Variants in ATP8B4 observed in about 807,000 individuals in gnomAD.
ATP8B4 encodes the protein ATPase phospholipid transporting 8B4 (putative).
Under a neutral mutation model 145.6 loss-of-function variants are expected in ATP8B4, and 133 were observed. The observed-to-expected ratio is 0.91, with a 90% CI of 0.79 to 1.05. ATP8B4 has a LOEUF of 1.05. Ranked by LOEUF, ATP8B4 falls within the 50% of genes least tolerant of loss-of-function variation. The probability of loss-of-function intolerance (pLI) is 0.00; values close to 1 mark genes in which losing one functional copy is unlikely to be tolerated. For synonymous variants in ATP8B4, 507 were observed against 492.9 expected (o/e 1.03, Z -0.38); for missense variants, 1,458 against 1,425.2 (o/e 1.02, Z -0.37).
chr15:50,111,894 G>C (rs1436088223), intron 1 of ATP8B4, among the ~76,000 whole-genome samples: 1 of 152,156 alleles, frequency 6.6e-6, no homozygotes. Context: ...ATGGCTGGGC[G>C]GGGTGGCTCA....
chr15:49,991,760 T>A (rs943530893), intron 9 of ATP8B4, among the ~76,000 whole-genome samples: 17 of 152,302 alleles, frequency 1.1e-4, no homozygotes, highest in African/African-American at 4.1e-4. Context: ...AAGTCTTCTA[T>A]AAACTCTTAT....
intron 6 of ATP8B4, among the ~76,000 whole-genome samples, chr15:50,015,644 CACAA>C (rs537278502): frequency 2.6e-5 from 4 of 152,198 alleles, no homozygotes; most frequent in South Asian, 2.1e-4. Flanking sequence ...GATCCCCTGA[CACAA>C]ACACTCAGTG....
rs576330636 is a variant in ATP8B4, at chr15:49,979,873, A to G, written c.838-60T>C. On this transcript the variant is annotated intron_variant, in intron 11 of 27. Coordinates refer to ENST00000284509, the MANE Select transcript of ATP8B4 (RefSeq NM_024837.4). ...TGAACTCAAAATTAGTCATATCAAC[A>G]TGATCTAATTACGCATCTAACTCCA... 2.3e-5 allele frequency: 29 copies of G among 1,250,368 alleles called. No individual in the cohort carries two copies. In the Admixed American group the frequency reaches 2.7e-4, roughly 11 times the overall value. The allele number at this position is 1,250,368 out of a possible 1,614,324, so 77.5% of individuals were successfully genotyped here.
At chr15:50,015,811 T>G (rs1253833154) in intron 6 of ATP8B4, among the ~76,000 whole-genome samples, 5 of 152,234 alleles carry the variant, frequency 3.3e-5, no homozygotes, top group African/African-American at 4.8e-5. Context: ...CTTTGGAATC[T>G]ATTTATTTTA....
chr15:50,104,140 C>T (rs2056536715), intron 2 of ATP8B4, among the ~76,000 whole-genome samples: 1 of 152,072 alleles, frequency 6.6e-6, no homozygotes, highest in African/African-American at 2.4e-5. Flanking sequence ...TAGAAGATAA[C>T]ATGAGAAAAA....
chr15:50,149,719 T>G (rs1397239785), intron 1 of ATP8B4, among the ~76,000 whole-genome samples: 3 of 152,196 alleles, frequency 2.0e-5, no homozygotes, highest in Non-Finnish European at 4.4e-5. Context: ...AATAAGGCAT[T>G]GCAGTGGGAA....
chr15:50,025,044 TG>T lies in ATP8B4; in HGVS notation c.362+13723del, dbSNP rs1273615452. Among the ~76,000 whole-genome samples, 7 of 152,338 alleles carry T rather than the reference TG, an allele frequency of 4.6e-5. No individual in the cohort carries two copies. The East Asian group carries it at 1.4e-3, about 29-fold the overall frequency. ...AGGAGTCTAAAATATATTCTGCTTT[TG>T]CCCCAAGAGGCTTTATTTAATTCAC... On this transcript the variant is annotated intron_variant, in intron 6 of 27. Coordinates refer to ENST00000284509, the MANE Select transcript of ATP8B4 (RefSeq NM_024837.4).
chr15:49,911,628 A>G (rs2039238510), intron 20 of ATP8B4, among the ~76,000 whole-genome samples: 2 of 152,174 alleles, frequency 1.3e-5, no homozygotes, highest in African/African-American at 4.8e-5. Context: ...TAAATAAATC[A>G]TTTAGACAGA....
At chr15:49,906,410 C>CA (rs1352599808) in intron 20 of ATP8B4, among the ~76,000 whole-genome samples, 1 of 152,170 alleles carries the variant, frequency 6.6e-6, no homozygotes, top group Non-Finnish European at 1.5e-5. Context: ...ATTCTTTCCA[C>CA]GTAATGACAG....
rs551637253 is a variant in ATP8B4, at chr15:50,124,470, G to C, written c.-42-17462C>G. ...GAGAATAAGAGAATGCAAACAAGAA[G>C]TTAGAAGTTAAGCCACAGATAGAGA... On this transcript the variant is annotated intron_variant, in intron 1 of 3. Transcript: ENST00000558829. 2.5e-4 allele frequency among the ~76,000 whole-genome samples: 38 copies of C among 152,258 alleles called. 1 individual carries two copies. The South Asian group carries it at 7.9e-3, about 32-fold the overall frequency.
At chr15:50,071,860 C>A (rs1177586388) in intron 3 of ATP8B4, among the ~76,000 whole-genome samples, 1 of 152,080 alleles carries the variant, frequency 6.6e-6, no homozygotes, top group East Asian at 1.9e-4. Flanking sequence ...TGAATAAAAT[C>A]AGAATGCCAG....
chr15:49,947,168 C>T (rs1039672764), intron 14 of ATP8B4, among the ~76,000 whole-genome samples: 26 of 152,128 alleles, frequency 1.7e-4, no homozygotes, highest in Non-Finnish European at 2.8e-4. Flanking sequence ...TGCGGTGGCT[C>T]ATGCTTGTAA....
intron 26 of ATP8B4, among the ~76,000 whole-genome samples, chr15:49,863,162 G>A (rs192048082): frequency 2.4e-4 from 36 of 152,232 alleles, no homozygotes; most frequent in Admixed American, 5.2e-4. Context: ...GCAATGGCCC[G>A]AGAAAACCTG....
intron 24 of ATP8B4, among the ~76,000 whole-genome samples, chr15:49,877,576 T>C (rs985918095): frequency 2.0e-5 from 3 of 152,164 alleles, no homozygotes; most frequent in Admixed American, 6.6e-5. Context: ...GTTCCCCTAG[T>C]TCAGTGACTG....
Position 49,953,663 on chromosome 15 carries a change from T to G in ATP8B4, c.1287+8314A>C, listed in dbSNP as rs908395022. Among the ~76,000 whole-genome samples, 5 of 152,190 alleles carry G rather than the reference T, an allele frequency of 3.3e-5. No individual in the cohort carries two copies. In the South Asian group the frequency reaches 8.3e-4, roughly 25 times the overall value. On this transcript the variant is annotated intron_variant, in intron 14 of 27. Coordinates refer to ENST00000284509, the MANE Select transcript of ATP8B4 (RefSeq NM_024837.4). ...GGCAGTTGTGAGTCCCATTGCTGAT[T>G]GCTGCTCCTTCCTCAAGGAGCTCAA...
chr15:49,972,689 A>G lies in ATP8B4; in HGVS notation c.1136T>C (p.Leu379Pro). Residue 379 changes from leucine to proline, a missense_variant, in exon 13 of 28, where the codon CTC (leucine) becomes CCC (proline). By Grantham distance (98) the Leu-to-Pro change is moderately conservative. Coordinates refer to ENST00000284509, the MANE Select transcript of ATP8B4 (RefSeq NM_024837.4). ...AIPAVARTTT[L>P]NEELGQIEYI... The stretch of plus-strand genomic sequence containing the variant: ...CTCAATCTGCCCCAGTTCCTCATTG[A>G]GCGTGGTCGTTCGAGCCACTGCAGG... 1.2e-6 allele frequency: 2 copies of G among 1,613,984 alleles called. No individual in the cohort carries two copies. The highest frequency in any genetic ancestry group is 1.7e-6 in the Non-Finnish European group (2 of 1,179,982).
chr15:50,163,783 G>A (rs758749192), intron 1 of ATP8B4, among the ~76,000 whole-genome samples: 7 of 152,198 alleles, frequency 4.6e-5, no homozygotes, highest in Non-Finnish European at 7.3e-5. Flanking sequence ...CTAAAGTCAG[G>A]AACCTTAGAA....
At chr15:50,172,416 T>G (rs560508780) in intron 1 of ATP8B4, among the ~76,000 whole-genome samples, 2 of 152,246 alleles carry the variant, frequency 1.3e-5, no homozygotes, top group African/African-American at 4.8e-5. Flanking sequence ...GGTGCCGGGA[T>G]TGCAGACGGA....
Position 50,038,958 on chromosome 15 carries a change from G to C in ATP8B4, c.301-129C>G, listed in dbSNP as rs2051054129. Reference sequence around the variant, plus strand: ...TCACTGGTCTAAGATGACACTGTTTGAGCTTCCTGTGAACCCAGCTCTACA... The same window carrying C: ...TCACTGGTCTAAGATGACACTGTTTCAGCTTCCTGTGAACCCAGCTCTACA... On this transcript the variant is annotated intron_variant, in intron 5 of 27. Coordinates refer to ENST00000284509, the MANE Select transcript of ATP8B4 (RefSeq NM_024837.4). 17 of 748,774 alleles carry C rather than the reference G, an allele frequency of 2.3e-5. No homozygotes were observed. The South Asian group carries it at 2.8e-4, about 12-fold the overall frequency. 46.4% of individuals were successfully genotyped at this position (748,774 alleles called of 1,614,324 possible).
Sources: allele counts gnomAD v4.1 joint callset (sites outside exome capture counted in the v4.1 genomes callset), GRCh38; gene constraint gnomAD v4.1.1; transcripts MANE v1.5; gene names NCBI Gene and HGNC (gene_info 2026-07-23, HGNC 2026-07-21).